Variants in BFSP1 observed in about 807,000 individuals in gnomAD.
The protein encoded by BFSP1 is filensin.
BFSP1 carries 38 observed loss-of-function variants against 43.9 expected under a neutral mutation model. That is an observed-to-expected ratio of 0.87 (90% CI 0.67 to 1.14). The LOEUF is 1.14. Among genes scored for constraint, BFSP1 ranks in the 50% most tolerant of loss-of-function variants. BFSP1 has a pLI of 0.00. For synonymous variants in BFSP1, 352 were observed against 354.8 expected (o/e 0.99, Z 0.09); for missense variants, 850 against 875.1 (o/e 0.97, Z 0.36).
Position 17,508,960 on chromosome 20 carries a change from G to A in BFSP1, c.664C>T (p.Arg222Trp), listed in dbSNP as rs141217196. 34 of 1,601,612 alleles carry A rather than the reference G, an allele frequency of 2.1e-5. No homozygotes were observed. The highest frequency in any genetic ancestry group is 6.8e-5 in the East Asian group (3 of 44,128). Residue 222 changes from arginine (R) to tryptophan (W), a missense_variant, in exon 5 of 8, where the codon CGG (arginine) becomes TGG (tryptophan). Transcript: ENST00000377873. Reference protein sequence around the residue: ...LLTEREVAALRSQLEEGREVL... With the variant: ...LLTEREVAALWSQLEEGREVL... Reference sequence around the variant, plus strand: ...TCCCGGCCCTCCTCCAGCTGACTCCGCAGGGCGGCCACCTCCCGCTCCGTC... The same window carrying A: ...TCCCGGCCCTCCTCCAGCTGACTCCACAGGGCGGCCACCTCCCGCTCCGTC...
rs1168412645 is a variant in BFSP1, at chr20:17,494,495, A to C, written c.1577T>G (p.Val526Gly). 1 of 1,614,008 alleles carries C rather than the reference A, an allele frequency of 6.2e-7. No individual in the cohort carries two copies. Among genetic ancestry groups the C allele is most frequent in the Non-Finnish European group, 8.5e-7 (1 of 1,180,036 alleles). Residue 526 changes from valine to glycine, a missense_variant, in exon 8 of 8, where the codon GTG becomes GGG. By Grantham distance (109) the Val-to-Gly change is moderately radical. Transcript: ENST00000377873. ...TCCATCTTCTTTCTCCTGCAGACCC[A>C]CCTGCCCATTCTCTAAAGGGGGCTT... ...SPKPPLENGQ[V>G]GLQEKEDGQP...
At chr20:17,552,519 A>G (rs1214799581) in intron 1 of BFSP1, among the ~76,000 whole-genome samples, 1 of 152,242 alleles carries the variant, frequency 6.6e-6, no homozygotes, top group Non-Finnish European at 1.5e-5. Context: ...AAACTGACCT[A>G]CAACTTAACA....
At chr20:17,513,180 G>A (rs1211892330) in intron 3 of BFSP1, among the ~76,000 whole-genome samples, 2 of 152,180 alleles carry the variant, frequency 1.3e-5, no homozygotes, top group African/African-American at 4.8e-5. Context: ...GGCCACAGCT[G>A]GACTCCGGCT....
intron 1 of BFSP1, among the ~76,000 whole-genome samples, chr20:17,547,806 C>T (rs1237868887): frequency 6.7e-6 from 1 of 148,662 alleles, no homozygotes; most frequent in Non-Finnish European, 1.5e-5. Flanking sequence ...TCTCAGCTCA[C>T]TGCAACCTCT....
At chr20:17,505,558 C>T (rs2033915686) in intron 5 of BFSP1, among the ~76,000 whole-genome samples, 1 of 152,248 alleles carries the variant, frequency 6.6e-6, no homozygotes, top group Non-Finnish European at 1.5e-5. Context: ...GCGGGCCCTG[C>T]CCGGCGGTGT....
chr20:17,531,278 C>A lies in BFSP1; in HGVS notation c.52G>T (p.Ala18Ser). 1 of 1,460,520 alleles carries A rather than the reference C, an allele frequency of 6.8e-7. No individual in the cohort carries two copies. Among genetic ancestry groups the A allele is most frequent in the South Asian group, 1.3e-5 (1 of 75,092 alleles). 90.5% of individuals were successfully genotyped at this position (1,460,520 alleles called of 1,614,324 possible). Residue 18 changes from alanine to serine, a missense_variant, in exon 1 of 8, where the codon GCC becomes TCC. Transcript: ENST00000377873. ...FQTRKEQYEHADEASRAAEPE... is the reference protein window; with the variant it reads ...FQTRKEQYEHSDEASRAAEPE... Reference sequence around the variant, plus strand: ...TCGGCGGCGCGCGAAGCCTCGTCGGCGTGCTCGTACTGCTCCTTGCGGGTC... The same window carrying A: ...TCGGCGGCGCGCGAAGCCTCGTCGGAGTGCTCGTACTGCTCCTTGCGGGTC...
upstream of BFSP1, among the ~76,000 whole-genome samples, chr20:17,533,393 T>A (rs546762257): frequency 9.2e-5 from 14 of 152,320 alleles, no homozygotes; most frequent in Middle Eastern, 3.4e-3. Context: ...CATGTATCAG[T>A]CAAATATTGC....
At chr20:17,536,657 A>G (rs2034633752) in intron 1 of BFSP1, among the ~76,000 whole-genome samples, 1 of 152,248 alleles carries the variant, frequency 6.6e-6, no homozygotes, top group Non-Finnish European at 1.5e-5. Context: ...TTTGCCTTTT[A>G]GTCAATTTCA....
intron 5 of BFSP1, among the ~76,000 whole-genome samples, 155 bp downstream of exon 5, chr20:17,508,734 G>A (rs994597728): frequency 6.6e-6 from 1 of 152,164 alleles, no homozygotes; most frequent in African/African-American, 2.4e-5. Context: ...AGAGCAGAGC[G>A]CTTGGCCACC....
intron 1 of BFSP1, among the ~76,000 whole-genome samples, chr20:17,543,643 G>A (rs1375653435): frequency 5.3e-5 from 8 of 152,108 alleles, no homozygotes; most frequent in African/African-American, 1.9e-4. Context: ...CATTATTACT[G>A]TTGATAGGTT....
chr20:17,496,063 A>AC (rs2033623816), intron 7 of BFSP1, among the ~76,000 whole-genome samples: 1 of 152,128 alleles, frequency 6.6e-6, no homozygotes, highest in African/African-American at 2.4e-5. Context: ...TGCCAAAAAA[A>AC]CCCACAAGAC....
chr20:17,517,023 A>T lies in BFSP1; in HGVS notation c.439-2207T>A, dbSNP rs1379360598. ...TGGATGTGCTTTGTCTGACTACAAC[A>T]TTCAAAAGGAGTCTACTCTTCATCT... is the stretch of plus-strand genomic sequence containing the variant. On this transcript the variant is annotated intron_variant, in intron 2 of 7. Coordinates refer to ENST00000377873, the MANE Select transcript of BFSP1 (RefSeq NM_001195.5). The T allele has an allele frequency of 8.3e-6, 7 of 845,822 alleles. No individual in the cohort carries two copies. The Admixed American group carries it at 1.2e-4, about 14-fold the overall frequency. 52.4% of individuals were successfully genotyped at this position (845,822 alleles called of 1,614,324 possible). A position where few individuals can be genotyped will look rare whatever the true frequency, so the allele number is the denominator to read the frequency against.
chr20:17,557,933 A>G (rs553768685), intron 1 of BFSP1, among the ~76,000 whole-genome samples: 46 of 152,306 alleles, frequency 3.0e-4, no homozygotes, highest in Non-Finnish European at 5.4e-4. Flanking sequence ...TATTTTCTTT[A>G]GAAACTAAAA....
chr20:17,531,200 G>A lies in BFSP1; in HGVS notation c.130C>T (p.Leu44=), dbSNP rs772525555. The A allele has an allele frequency of 2.3e-6, 3 of 1,310,010 alleles. No homozygotes were observed. Among genetic ancestry groups the A allele is most frequent in the African/African-American group, 3.1e-5 (2 of 64,732 alleles). 81.1% of individuals were successfully genotyped at this position (1,310,010 alleles called of 1,614,324 possible). Residue 44 remains leucine, a synonymous_variant, in exon 1 of 8, where the codon CTG becomes TTG. Coordinates refer to ENST00000377873, the MANE Select transcript of BFSP1 (RefSeq NM_001195.5). ...GWAGATSLAA[L]QGLGERVAAH... ...GCCACGCGCTCGCCGAGCCCCTGCA[G>A]CGCCGCCAGGCTCGTTGCCCCAGCC... is the stretch of plus-strand genomic sequence containing the variant.
chr20:17,494,716 C>T lies in BFSP1; in HGVS notation c.1356G>A (p.Val452=), dbSNP rs866783794. Residue 452 remains valine, a synonymous_variant, in exon 8 of 8, where the codon GTG becomes GTA. Transcript: ENST00000377873. ...GGGTCTCAGGCTCTTTGGGGCTTCT[C>T]ACTTTCTCCTTGACCTTCCTGTATA... ...GKLYRKVKEK[V]RSPKEPETPT... is the part of the protein sequence containing the mutation. 2 of 1,614,112 alleles carry T rather than the reference C, an allele frequency of 1.2e-6. No individual in the cohort carries two copies. The highest frequency in any genetic ancestry group is 1.1e-5 in the South Asian group (1 of 91,066).
chr20:17,494,187 C>T lies in BFSP1; in HGVS notation c.1885G>A (p.Glu629Lys), dbSNP rs763099974. The part of the protein sequence containing the change: ...YKTVEVVESI[E>K]KISTESIQTY... ...TGAATGCTCTCCGTGGAAATCTTCT[C>T]GATAGATTCCACCACTTCCACTGTC... The change falls in exon 8 of 8, where the codon GAG (glutamate) becomes AAG (lysine). Residue 629 changes from glutamate to lysine, a missense_variant. Transcript: ENST00000377873. 1.1e-5 allele frequency: 18 copies of T among 1,614,018 alleles called. No individual in the cohort carries two copies. The East Asian group carries it at 2.2e-4, about 20-fold the overall frequency.
intron 1 of BFSP1, among the ~76,000 whole-genome samples, chr20:17,568,189 G>C (rs902054905): frequency 6.6e-6 from 1 of 152,084 alleles, no homozygotes; most frequent in Non-Finnish European, 1.5e-5. Flanking sequence ...AGAGGCAGAC[G>C]GGCCAGACTG....
At position 17,525,742 on chromosome 20, in the gene BFSP1, G is replaced by A. The variant is rs1354827043; in HGVS notation, c.378-834C>T. Reference sequence around the variant, plus strand: ...TGACCCCCAAATGCCCATTCTTGCTGTCTTCAGGAGTTAGAGCCCTTGATG... The same window carrying A: ...TGACCCCCAAATGCCCATTCTTGCTATCTTCAGGAGTTAGAGCCCTTGATG... On this transcript the variant is annotated intron_variant, in intron 1 of 7. Transcript: ENST00000377873. The surrounding 1 kb of genome is among the most constrained non-coding windows in gnomAD (Gnocchi z 4.2). Among the ~76,000 whole-genome samples, 1 of 152,144 alleles carries A rather than the reference G, an allele frequency of 6.6e-6. No homozygotes were observed. The highest frequency in any genetic ancestry group is 1.5e-5 in the Non-Finnish European group (1 of 68,026).
intron 6 of BFSP1, among the ~76,000 whole-genome samples, chr20:17,497,684 A>G (rs2033688640): frequency 6.6e-6 from 1 of 151,290 alleles, no homozygotes; most frequent in South Asian, 2.1e-4. Context: ...ATATATACAT[A>G]TACATGTACA....
Sources: allele counts gnomAD v4.1 joint callset (sites outside exome capture counted in the v4.1 genomes callset), GRCh38; gene constraint gnomAD v4.1.1; non-coding constraint Gnocchi (gnomAD v3.1); transcripts MANE v1.5; gene names NCBI Gene and HGNC (gene_info 2026-07-23, HGNC 2026-07-21).